The following BTNL8 variants were observed in gnomAD, a reference collection of about 807,000 sequenced individuals.
BTNL8 encodes the protein butyrophilin-like protein 8.
In BTNL8, 22 loss-of-function variants were observed where a neutral mutation model predicts 36.1. The observed-to-expected ratio is 0.61, with a 90% confidence interval of 0.44 to 0.87. BTNL8 has a LOEUF of 0.87. Ranked by LOEUF, BTNL8 falls within the 40% of genes least tolerant of loss-of-function variation. The pLI is 0.00. For missense variants in BTNL8, 526 were observed against 616.9 expected, an observed-to-expected ratio of 0.85 and a Z score of 1.56; for synonymous variants, 203 against 235.6, an observed-to-expected ratio of 0.86 and a Z score of 1.27.
At chr5:180,941,151 A>AGGAAGGAAGGAG (rs774010123) in intron 3 of BTNL8, among the ~76,000 whole-genome samples, 2 of 151,208 alleles carry the variant, frequency 1.3e-5, no homozygotes, top group Non-Finnish European at 2.9e-5. Flanking sequence ...GAAGGAAGGA[A>AGGAAGGAAGGAG]GGAGAGAAAG....
chr5:180,928,151 C>G (rs921042254), intron 3 of BTNL8, among the ~76,000 whole-genome samples: 1 of 152,224 alleles, frequency 6.6e-6, no homozygotes, highest in East Asian at 1.9e-4. Flanking sequence ...TGAAACCCTA[C>G]AAGCCAGAAG....
chr5:180,907,231 C>CT (rs1476177418), intron 1 of BTNL8, among the ~76,000 whole-genome samples: 1 of 122,324 alleles, frequency 8.2e-6, no homozygotes, highest in Non-Finnish European at 1.6e-5. Context: ...TCTTTTTATT[C>CT]TTTTTTTTCT....
chr5:180,899,481 T>A, intron 1 of BTNL8, 122 bp downstream of exon 1: 3 of 1,132,268 alleles, frequency 2.6e-6, no homozygotes, highest in Non-Finnish European at 4.0e-6. Flanking sequence ...TCTCCTAGCC[T>A]CAGCCTGGGG....
At position 180,950,375 on chromosome 5, in the gene BTNL8, A is replaced by T; in HGVS notation, c.1334A>T (p.Glu445Val). 6.8e-7 allele frequency: 1 copy of T among 1,462,972 alleles called. No individual in the cohort carries two copies. The highest frequency in any genetic ancestry group is 9.4e-7 in the Non-Finnish European group (1 of 1,058,850). 90.6% of individuals were successfully genotyped at this position (1,462,972 alleles called of 1,614,324 possible). A position where few individuals can be genotyped will look rare whatever the true frequency, so the allele number is the denominator to read the frequency against. ...RFEGLLRPYIEYPSYNEQNGT... is the reference protein window; with the variant it reads ...RFEGLLRPYIVYPSYNEQNGT... The stretch of plus-strand genomic sequence containing the variant: ...GAAGGCTTATTGAGGCCCTACATTG[A>T]GTATCCGTCCTATAATGAGCAAAAT... The change falls in exon 8 of 8, where the codon GAG (glutamate) becomes GTG (valine). Residue 445 changes from glutamate to valine, a missense_variant. By Grantham distance (121) the Glu-to-Val change is moderately radical. Around this residue, in one of 2 missense-constraint regions of BTNL8, gnomAD observed 176 missense variants for 292.3 expected, o/e 0.60. Coordinates refer to ENST00000340184, the MANE Select transcript of BTNL8 (RefSeq NM_001040462.3).
chr5:180,949,694 G>A lies in BTNL8; in HGVS notation c.863-210G>A, dbSNP rs193090364. The stretch of plus-strand genomic sequence containing the variant: ...TTGGGTGATATGCCGAGATTGGGAC[G>A]TCATATTGAGACATATCTAGACATT... On this transcript the variant is annotated intron_variant, in intron 7 of 7. Coordinates refer to ENST00000340184, the MANE Select transcript of BTNL8 (RefSeq NM_001040462.3). 3.9e-4 allele frequency: 247 copies of A among 630,284 alleles called. 49 individuals are homozygous for A. The East Asian group carries it at 4.1e-3, about 11-fold the overall frequency. The allele number at this position is 630,284 out of a possible 1,614,324, so 39.0% of individuals were successfully genotyped here.
chr5:180,929,600 A>T (rs1336751393), intron 3 of BTNL8, among the ~76,000 whole-genome samples: 1 of 152,222 alleles, frequency 6.6e-6, no homozygotes, highest in Non-Finnish European at 1.5e-5. Flanking sequence ...GAGAGGAATC[A>T]AATAGACACA....
chr5:180,920,572 T>C (rs950247956), intron 3 of BTNL8, among the ~76,000 whole-genome samples: 2 of 151,902 alleles, frequency 1.3e-5, no homozygotes, highest in South Asian at 4.1e-4. Context: ...GCACAGGCAA[T>C]GAAAGCAAAA....
rs749969121 is a variant in BTNL8, at chr5:180,939,251, C to CTGAA, written c.674-8243_674-8240dup. ...TCCCTAATTAAAATATATAGATTGG[C>CTGAA]TGAATGAATGAATGAATGAATAAAT... On this transcript the variant is annotated intron_variant, in intron 3 of 7. Transcript: ENST00000340184. Among the ~76,000 whole-genome samples, 39 of 151,792 alleles carry CTGAA rather than the reference C, an allele frequency of 2.6e-4. No homozygotes were observed. The South Asian group carries it at 3.7e-3, about 15-fold the overall frequency.
Position 180,908,796 on chromosome 5 carries a change from T to C in BTNL8, c.260T>C (p.Leu87Pro). 7 of 1,614,104 alleles carry C rather than the reference T, an allele frequency of 4.3e-6. No individual in the cohort carries two copies. Among genetic ancestry groups the C allele is most frequent in the Non-Finnish European group, 5.9e-6 (7 of 1,180,008 alleles). The stretch of plus-strand genomic sequence containing the variant: ...CCACAGTATCAAGGCAGGACAAAAC[T>C]GGTGAAGGATTCTATTGCGGAGGGG... ...QMPQYQGRTK[L>P]VKDSIAEGRI... Residue 87 changes from leucine to proline, a missense_variant, in exon 2 of 8, where the codon CTG (leucine) becomes CCG (proline). Physicochemically the swap from Leu to Pro is moderately conservative, Grantham distance 98 (BLOSUM62 -3). Around this residue, in one of 2 missense-constraint regions of BTNL8, gnomAD observed 350 missense variants for 324.6 expected, o/e 1.08. Transcript: ENST00000340184.
chr5:180,929,277 C>A lies in BTNL8; in HGVS notation c.673+17663C>A, dbSNP rs566319847. 7.9e-5 allele frequency among the ~76,000 whole-genome samples: 12 copies of A among 152,290 alleles called. No homozygotes were observed. The East Asian group carries it at 2.3e-3, about 29-fold the overall frequency. ...TCTTTGAAACCAATGAGAACAAAGA[C>A]ACAATGTACCAGAACCTCTGGGACA... On this transcript the variant is annotated intron_variant, in intron 3 of 7. Coordinates refer to ENST00000340184, the MANE Select transcript of BTNL8 (RefSeq NM_001040462.3).
rs1177352611 is a variant in BTNL8, at chr5:180,941,110, GAGGAAGGAAGGAAGGAAGGA to G, written c.674-6377_674-6358del. Among the ~76,000 whole-genome samples, 11 of 126,896 alleles carry G rather than the reference GAGGAAGGAAGGAAGGAAGGA, an allele frequency of 8.7e-5. No homozygotes were observed. In the South Asian group the frequency reaches 1.2e-3, roughly 14 times the overall value. The allele number at this position is 126,896 out of a possible 152,430, so 83.2% of individuals were successfully genotyped here. ...GAAGGGAGGGAGGGAGGAAGGAAGG[GAGGAAGGAAGGAAGGAAGGA>G]AGGAAGGAAGGAAGGAAGGAAGGAG... On this transcript the variant is annotated intron_variant, in intron 3 of 7. Transcript: ENST00000340184.
In BTNL8 at chr5:180,950,514, C is replaced by G; in HGVS notation, c.1473C>G (p.Thr491=). 3.4e-6 allele frequency: 5 copies of G among 1,463,064 alleles called. 1 individual carries two copies. The highest frequency in any genetic ancestry group is 4.7e-6 in the Non-Finnish European group (5 of 1,059,198). The allele number at this position is 1,463,064 out of a possible 1,614,324, so 90.6% of individuals were successfully genotyped here. A position where few individuals can be genotyped will look rare whatever the true frequency, so the allele number is the denominator to read the frequency against. The change falls in exon 8 of 8, where the codon ACC becomes ACG. Residue 491 remains threonine, a synonymous_variant. Transcript: ENST00000340184. ...TSNSESSSQA[T]TPFLPRGEM is the part of the protein sequence containing the mutation. ...ACAGTGAGTCCTCCTCACAGGCAAC[C>G]ACGCCCTTCCTCCCCAGGGGTGAAA...
intron 3 of BTNL8, among the ~76,000 whole-genome samples, chr5:180,929,121 A>G (rs549921663): frequency 6.6e-6 from 1 of 152,370 alleles, no homozygotes; most frequent in African/African-American, 2.4e-5. Flanking sequence ...AGCCTCTCGG[A>G]CCACAGTGCA....
At chr5:180,941,111 AGG>A (rs1247438871) in intron 3 of BTNL8, among the ~76,000 whole-genome samples, 2 of 15,226 alleles carry the variant, frequency 1.3e-4, no homozygotes, top group Non-Finnish European at 2.6e-4. Flanking sequence ...GAAGGAAGGG[AGG>A]AAGGAAGGAA....
intron 1 of BTNL8, among the ~76,000 whole-genome samples, chr5:180,900,634 C>A (rs1034362623): frequency 6.6e-6 from 1 of 152,328 alleles, no homozygotes; most frequent in South Asian, 2.1e-4. Context: ...AGCTGGCATA[C>A]GCTGGGTCCC....
At chr5:180,905,914 A>G (rs1757058814) in intron 1 of BTNL8, among the ~76,000 whole-genome samples, 1 of 136,026 alleles carries the variant, frequency 7.4e-6, no homozygotes, top group African/African-American at 3.2e-5. Context: ...CTGTTCTTTT[A>G]CATTTGCTGA....
chr5:180,944,654 T>C (rs190242508), intron 3 of BTNL8, among the ~76,000 whole-genome samples: 1 of 152,286 alleles, frequency 6.6e-6, no homozygotes, highest in Admixed American at 6.5e-5. Flanking sequence ...TATCTCAAAA[T>C]AGCTAGAAAA....
chr5:180,936,928 C>T (rs1384390718), intron 3 of BTNL8, among the ~76,000 whole-genome samples: 2 of 152,258 alleles, frequency 1.3e-5, no homozygotes, highest in Non-Finnish European at 2.9e-5. Context: ...CATCTGCTCC[C>T]ACCAGAAATA....
At chr5:180,946,487 A>G (rs1420451323) in intron 3 of BTNL8, among the ~76,000 whole-genome samples, 1 of 152,218 alleles carries the variant, frequency 6.6e-6, no homozygotes, top group Non-Finnish European at 1.5e-5. Flanking sequence ...CCTGAAGGAC[A>G]TTATGCTAAG....
Sources: gnomAD v4.1 joint callset for allele counts (sites outside exome capture counted in the v4.1 genomes callset) on GRCh38, gnomAD v4.1.1 for gene constraint, gnomAD v4.1.1 regional missense constraint, MANE v1.5 for transcripts, NCBI Gene and HGNC (gene_info 2026-07-23, HGNC 2026-07-21) for gene names.